ATRNL1: variants seen among roughly 807,000 people sequenced by gnomAD.
ATRNL1 encodes the protein attractin-like protein 1.
ATRNL1 carries 95 observed loss-of-function variants against 182.7 expected under a neutral mutation model. That is an observed-to-expected ratio of 0.52 (90% confidence interval 0.44 to 0.62). The LOEUF is 0.62. Among genes scored for constraint, ATRNL1 ranks in the 20% least tolerant of loss-of-function variants. ATRNL1 has a pLI of 0.00. For missense variants in ATRNL1, 1,471 were observed against 1,679.5 expected (o/e 0.88, Z 2.17); for synonymous variants, 576 against 568.3 (o/e 1.01, Z -0.19).
intron 15 of ATRNL1, among the ~76,000 whole-genome samples, chr10:115,291,980 A>G (rs1313087274): frequency 1.0e-5 from 1 of 96,430 alleles, no homozygotes; most frequent in Non-Finnish European, 3.0e-5. Flanking sequence ...CAGTGAAGCC[A>G]TCTGGTCCTG....
rs1852287039 is a variant in ATRNL1, at chr10:115,280,044, T to G, written c.2101-1311T>G. Reference sequence around the variant, plus strand: ...TGAAGGATCTTGACAATTAAAGGGATTAGGGTGATAAATTTCTCTACAAAC... The same window carrying G: ...TGAAGGATCTTGACAATTAAAGGGAGTAGGGTGATAAATTTCTCTACAAAC... On this transcript the variant is annotated intron_variant, in intron 13 of 28. Coordinates refer to ENST00000355044, the MANE Select transcript of ATRNL1 (RefSeq NM_207303.4). Among the ~76,000 whole-genome samples the G allele has an allele frequency of 1.3e-5, 2 of 152,146 alleles. 1 individual carries two copies. The highest frequency in any genetic ancestry group is 2.9e-5 in the Non-Finnish European group (2 of 68,018).
intron 28 of ATRNL1, among the ~76,000 whole-genome samples, chr10:115,926,983 A>G (rs889978391): frequency 6.6e-6 from 1 of 152,172 alleles, no homozygotes; most frequent in Admixed American, 6.6e-5. Context: ...ATTTAGGCCA[A>G]TATCACTGAT....
At chr10:115,728,128 GAAA>G (rs3087144) in intron 27 of ATRNL1, among the ~76,000 whole-genome samples, 2,979 of 112,910 alleles carry the variant, frequency 0.026, 80 homozygotes, top group African/African-American at 0.081. Context: ...AAAAAAAAAA[GAAA>G]AAAAAAAAAA....
chr10:115,652,460 A>G lies in ATRNL1; in HGVS notation c.3796-74788A>G, dbSNP rs1263072028. ...ATTTTATCCCTAACATATTAATAAT[A>G]TACCTATTTTCTATTGAATTATTTC... On this transcript the variant is annotated intron_variant, in intron 26 of 28. Transcript: ENST00000355044. Among the ~76,000 whole-genome samples, 4 of 152,110 alleles carry G rather than the reference A, an allele frequency of 2.6e-5. No individual in the cohort carries two copies. In the East Asian group the frequency reaches 5.8e-4, roughly 22 times the overall value.
chr10:115,568,711 CAATTT>C (rs1234873471), intron 26 of ATRNL1, among the ~76,000 whole-genome samples: 2 of 151,808 alleles, frequency 1.3e-5, no homozygotes, highest in Admixed American at 6.6e-5. Flanking sequence ...GGTTTTATTT[CAATTT>C]AATTTAATTT....
chr10:115,116,032 G>C (rs1844469511), intron 1 of ATRNL1, among the ~76,000 whole-genome samples: 1 of 152,050 alleles, frequency 6.6e-6, no homozygotes, highest in African/African-American at 2.4e-5. Flanking sequence ...CAAGTGATTG[G>C]CAAACTTTTT....
intron 14 of ATRNL1, among the ~76,000 whole-genome samples, chr10:115,285,772 A>C (rs1852582202): frequency 6.6e-6 from 1 of 152,118 alleles, no homozygotes; most frequent in African/African-American, 2.4e-5. Flanking sequence ...TACCTGAGCT[A>C]TAGAAATTAG....
chr10:115,297,653 A>G (rs868984758), intron 15 of ATRNL1, among the ~76,000 whole-genome samples: 1,638 of 144,308 alleles, frequency 0.011, 20 homozygotes, highest in African/African-American at 0.038. Flanking sequence ...TCCGTCTTAA[A>G]AAAAAAAAAA....
chr10:115,242,704 C>T (rs782187790), intron 10 of ATRNL1, among the ~76,000 whole-genome samples: 4 of 151,932 alleles, frequency 2.6e-5, no homozygotes, highest in Non-Finnish European at 5.9e-5. Flanking sequence ...TTAATAAGCA[C>T]TTTAATCTTT....
At chr10:115,548,596 A>C (rs1377211107) in intron 25 of ATRNL1, among the ~76,000 whole-genome samples, 1 of 152,196 alleles carries the variant, frequency 6.6e-6, no homozygotes, top group African/African-American at 2.4e-5. Flanking sequence ...GTTGAGATTG[A>C]TTAATGAGAT....
chr10:115,589,656 T>C (rs1855785677), intron 26 of ATRNL1, among the ~76,000 whole-genome samples: 1 of 152,208 alleles, frequency 6.6e-6, no homozygotes, highest in Non-Finnish European at 1.5e-5. Flanking sequence ...TACTTATGTC[T>C]GTCTTTTTAG....
intron 9 of ATRNL1, among the ~76,000 whole-genome samples, chr10:115,231,085 C>G (rs1849931609): frequency 6.6e-6 from 1 of 151,980 alleles, no homozygotes; most frequent in Non-Finnish European, 1.5e-5. Flanking sequence ...ACATACTATA[C>G]AGCTTGTGGA....
intron 27 of ATRNL1, among the ~76,000 whole-genome samples, chr10:115,731,251 A>G (rs1333167905): frequency 6.6e-6 from 1 of 152,086 alleles, no homozygotes; most frequent in Non-Finnish European, 1.5e-5. Flanking sequence ...TTCCTGCCCC[A>G]CAGCAGGTGG....
At chr10:115,568,797 A>C (rs1462268917) in intron 26 of ATRNL1, among the ~76,000 whole-genome samples, 2 of 151,976 alleles carry the variant, frequency 1.3e-5, no homozygotes, top group Middle Eastern at 3.2e-3. Flanking sequence ...AAAAAGTTTC[A>C]CATTTATCTA....
chr10:115,473,246 G>T (rs576417891), intron 24 of ATRNL1, among the ~76,000 whole-genome samples: 9 of 151,158 alleles, frequency 6.0e-5, no homozygotes, highest in Non-Finnish European at 1.2e-4. Context: ...AATGTGGTTG[G>T]CTAGCATTTT....
At position 115,887,980 on chromosome 10, in the gene ATRNL1, A is replaced by G. The variant is rs571435653; in HGVS notation, c.4018+39989A>G. ...GTTGTGGAAAAGAGTAATCTTTTGG[A>G]TAGGCATATTGGAACTTATCACCAG... On this transcript the variant is annotated intron_variant, in intron 28 of 28. Transcript: ENST00000355044. 2.0e-5 allele frequency among the ~76,000 whole-genome samples: 3 copies of G among 152,106 alleles called. No homozygotes were observed. The South Asian group carries it at 6.2e-4, about 32-fold the overall frequency.
At chr10:115,393,750 G>A (rs538541976) in intron 19 of ATRNL1, among the ~76,000 whole-genome samples, 9 of 152,136 alleles carry the variant, frequency 5.9e-5, no homozygotes, top group African/African-American at 9.6e-5. Flanking sequence ...AAAAGGAGGG[G>A]TCAGATACAA....
At chr10:115,738,138 T>TG in intron 27 of ATRNL1, among the ~76,000 whole-genome samples, 1 of 97,568 alleles carries the variant, frequency 1.0e-5, no homozygotes, top group Non-Finnish European at 2.1e-5. Context: ...TTTTTTTTTT[T>TG]TTTTTTTTTT....
At chr10:115,166,301 A>C (rs782318021) in intron 7 of ATRNL1, among the ~76,000 whole-genome samples, 2 of 152,016 alleles carry the variant, frequency 1.3e-5, no homozygotes, top group Non-Finnish European at 2.9e-5. Flanking sequence ...TTATCCATCC[A>C]TCTGTTGATG....
Sources: allele counts gnomAD v4.1 joint callset (sites outside exome capture counted in the v4.1 genomes callset), GRCh38; gene constraint gnomAD v4.1.1; transcripts MANE v1.5; gene names NCBI Gene and HGNC (gene_info 2026-07-23, HGNC 2026-07-21).